SH3D19: variants seen among roughly 807,000 people sequenced by gnomAD.
The protein encoded by SH3D19 is SH3 domain containing 19.
A neutral mutation model predicts 112.1 loss-of-function variants in SH3D19; 58 were observed. The observed-to-expected ratio is 0.52, with a 90% CI of 0.42 to 0.64. The LOEUF (loss-of-function observed/expected upper bound fraction) is 0.64. SH3D19 is among the 30% of genes least tolerant of loss of function. The pLI, the probability that SH3D19 is intolerant of heterozygous loss-of-function variation, is 0.00. For missense variants in SH3D19, 1,090 were observed against 1,263.4 expected (o/e 0.86, Z 2.08); for synonymous variants, 391 against 448.5 (o/e 0.87, Z 1.62).
At chr4:151,267,672 G>A (rs559644360) in intron 1 of SH3D19, among the ~76,000 whole-genome samples, 4 of 152,116 alleles carry the variant, frequency 2.6e-5, no homozygotes, top group South Asian at 2.1e-4. Flanking sequence ...AAAGCCAGCT[G>A]TCAAAAAAAT....
chr4:151,165,066 T>C (rs1355703038), intron 8 of SH3D19, among the ~76,000 whole-genome samples: 1 of 152,218 alleles, frequency 6.6e-6, no homozygotes, highest in Non-Finnish European at 1.5e-5. Flanking sequence ...GGTGTTAACA[T>C]GGGATATAAC....
intron 15 of SH3D19, among the ~76,000 whole-genome samples, chr4:151,134,871 A>T (rs1751481942): frequency 6.6e-6 from 1 of 152,238 alleles, no homozygotes. Flanking sequence ...AATAAATAAT[A>T]GAGATGGGTT....
At chr4:151,134,119 T>C (rs1751320149) in intron 15 of SH3D19, among the ~76,000 whole-genome samples, 1 of 152,240 alleles carries the variant, frequency 6.6e-6, no homozygotes, top group Non-Finnish European at 1.5e-5. Flanking sequence ...ACACAGTATA[T>C]GCTGCTTAAA....
intron 12 of SH3D19, 148 bp downstream of exon 12, chr4:151,143,762 T>G (rs1753433635): frequency 2.3e-6 from 2 of 864,230 alleles, no homozygotes; most frequent in Admixed American, 6.3e-5. Context: ...TAGTAATTTA[T>G]TCTAAAAGTA....
chr4:151,320,678 C>T (rs1730444362), intron 1 of SH3D19, among the ~76,000 whole-genome samples: 1 of 151,544 alleles, frequency 6.6e-6, no homozygotes, highest in Admixed American at 6.6e-5. Context: ...ACAAAGAACT[C>T]CAATAAATCA....
At chr4:151,125,493 A>AAACC (rs759086917) in intron 19 of SH3D19, among the ~76,000 whole-genome samples, 140 of 95,450 alleles carry the variant, frequency 1.5e-3, no homozygotes, top group Non-Finnish European at 2.3e-3. Context: ...AAACAAAACC[A>AAACC]AAAAAAAAAA....
intron 7 of SH3D19, 34 bp from the exon 8 acceptor site, chr4:151,165,730 A>T: frequency 6.4e-7 from 1 of 1,565,860 alleles, no homozygotes; most frequent in Non-Finnish European, 8.8e-7. Flanking sequence ...TGCATGTTTT[A>T]GTTAACATGG....
chr4:151,218,685 G>C (rs565320739), intron 2 of SH3D19, among the ~76,000 whole-genome samples: 6 of 152,210 alleles, frequency 3.9e-5, no homozygotes. Context: ...ATCCTTTCCT[G>C]GCCCATTCAT....
intron 1 of SH3D19, among the ~76,000 whole-genome samples, chr4:151,253,558 G>C (rs1030279672): frequency 2.0e-4 from 30 of 152,192 alleles, no homozygotes; most frequent in African/African-American, 6.3e-4. Flanking sequence ...GGCTAACACA[G>C]TGAAACCCTG....
intron 8 of SH3D19, among the ~76,000 whole-genome samples, chr4:151,159,929 GA>G (rs1413429797): frequency 6.6e-6 from 1 of 151,990 alleles, no homozygotes; most frequent in African/African-American, 2.4e-5. Flanking sequence ...AAGCTAAGAA[GA>G]AAATAAATGC....
intron 2 of SH3D19, among the ~76,000 whole-genome samples, chr4:151,224,652 A>C (rs1431118180): frequency 6.6e-6 from 1 of 152,186 alleles, no homozygotes; most frequent in African/African-American, 2.4e-5. Context: ...TGACTCTTCC[A>C]ACTTTATGTC....
At chr4:151,159,159 A>C (rs577172906) in intron 9 of SH3D19, 81 bp downstream of exon 9, 1 of 759,412 alleles carries the variant, frequency 1.3e-6, no homozygotes, top group East Asian at 3.1e-5. Context: ...CAGTAATAAA[A>C]TAATTTAGAT....
intron 2 of SH3D19, among the ~76,000 whole-genome samples, chr4:151,218,927 C>A (rs912056403): frequency 6.6e-6 from 1 of 152,106 alleles, no homozygotes; most frequent in East Asian, 1.9e-4. Context: ...GGTGGCAGGC[C>A]AGATTTGACC....
At chr4:151,313,745 T>TAATC (rs1378713007) in intron 1 of SH3D19, among the ~76,000 whole-genome samples, 2 of 152,202 alleles carry the variant, frequency 1.3e-5, no homozygotes, top group Non-Finnish European at 2.9e-5. Context: ...ATCTACCTTG[T>TAATC]AATCTCCAGG....
intron 19 of SH3D19, among the ~76,000 whole-genome samples, chr4:151,123,633 C>A (rs1748527671): frequency 1.3e-5 from 2 of 152,180 alleles, no homozygotes; most frequent in South Asian, 4.1e-4. Flanking sequence ...TTCACCTTGA[C>A]TCAGGACACT....
At chr4:151,252,220 T>C (rs2149978711) in intron 1 of SH3D19, among the ~76,000 whole-genome samples, 1 of 152,326 alleles carries the variant, frequency 6.6e-6, no homozygotes, top group South Asian at 2.1e-4. Flanking sequence ...ATTTCTCTCA[T>C]CTTAAAACAA....
rs767682689 is a variant in SH3D19 at position 151,149,566 on chromosome 4, AAGT to A, written c.1756-8_1756-6del. The A allele has an allele frequency of 5.0e-6, 8 of 1,611,034 alleles. No individual in the cohort carries two copies. Among genetic ancestry groups the A allele is most frequent in the African/African-American group, 1.3e-5 (1 of 74,986 alleles). ...TTGACCTGGGTGGTTGGATTCCTGC[AAGT>A]AGCAGAGAATGCTTTTTAGTTAAGG... On this transcript the variant is annotated splice_polypyrimidine_tract_variant and splice_region_variant and intron_variant, in intron 9 of 19. Transcript: ENST00000604030.
intron 9 of SH3D19, among the ~76,000 whole-genome samples, chr4:151,158,165 T>C (rs1422698763): frequency 2.6e-5 from 4 of 152,206 alleles, no homozygotes; most frequent in Admixed American, 2.0e-4. Flanking sequence ...CCCTATATAG[T>C]ATATGTACTG....
In SH3D19 at chr4:151,144,065, A is replaced by G; in HGVS notation, c.2083-15T>C. The G allele has an allele frequency of 6.2e-7, 1 of 1,604,042 alleles. No individual in the cohort carries two copies. Among genetic ancestry groups the G allele is most frequent in the Non-Finnish European group, 8.5e-7 (1 of 1,176,480 alleles). Reference sequence around the variant, plus strand: ...ACATCCCCACGCTGCAAGGTACAATACCACTCTCTGAAGCAATTATTATTT... The same window carrying G: ...ACATCCCCACGCTGCAAGGTACAATGCCACTCTCTGAAGCAATTATTATTT... On this transcript the variant is annotated splice_polypyrimidine_tract_variant and intron_variant, in intron 11 of 19. Transcript: ENST00000604030.
Sources: allele counts gnomAD v4.1 joint callset (sites outside exome capture counted in the v4.1 genomes callset), GRCh38; gene constraint gnomAD v4.1.1; transcripts MANE v1.5; gene names NCBI Gene and HGNC (gene_info 2026-07-23, HGNC 2026-07-21).